The following MARCHF8 variants were observed in gnomAD, a reference collection of about 807,000 sequenced individuals.
MARCHF8 encodes the protein membrane associated ring-CH-type finger 8.
In MARCHF8, 40 loss-of-function variants were observed where a neutral mutation model predicts 51.6. The ratio of observed to expected loss-of-function variants is 0.77; its 90% CI spans 0.60 to 1.01. MARCHF8 has a LOEUF of 1.01. Ranked by LOEUF, MARCHF8 falls within the 50% of genes least tolerant of loss-of-function variation. The pLI is 0.00. For missense variants in MARCHF8, 685 were observed against 708.6 expected, an observed-to-expected ratio of 0.97 and a Z score of 0.38; for synonymous variants, 263 against 280.3, an observed-to-expected ratio of 0.94 and a Z score of 0.62.
intron 2 of MARCHF8, among the ~76,000 whole-genome samples, chr10:45,502,602 C>T (rs1245505796): frequency 6.6e-6 from 1 of 152,174 alleles, no homozygotes; most frequent in Non-Finnish European, 1.5e-5. Flanking sequence ...CTGTGTCTTG[C>T]TCATCAGGAA....
chr10:45,461,248 G>C lies in MARCHF8; in HGVS notation c.1252C>G (p.Leu418Val). Reference sequence around the variant, plus strand: ...CCACGTACTTTTCTCAGTGGCTTCAGCTTGGTCTCCATGATGAACTCATAC... The same window carrying C: ...CCACGTACTTTTCTCAGTGGCTTCACCTTGGTCTCCATGATGAACTCATAC... ...CKYEFIMETKLKPLRKWEKLQ... is the reference protein window; with the variant it reads ...CKYEFIMETKVKPLRKWEKLQ... Residue 418 changes from leucine to valine, a missense_variant, in exon 6 of 8, where the codon CTG (leucine) becomes GTG (valine). Transcript: ENST00000453424. 1.3e-6 allele frequency: 2 copies of C among 1,540,356 alleles called. No individual in the cohort carries two copies. Among genetic ancestry groups the C allele is most frequent in the South Asian group, 1.2e-5 (1 of 82,532 alleles).
At chr10:45,486,805 T>C (rs1343048202) in intron 3 of MARCHF8, among the ~76,000 whole-genome samples, 4 of 40,650 alleles carry the variant, frequency 9.8e-5, no homozygotes, top group African/African-American at 1.2e-4. Context: ...ATTACCCTAC[T>C]TTTTTTTTTT....
intron 3 of MARCHF8, among the ~76,000 whole-genome samples, chr10:45,485,671 A>G (rs1193837584): frequency 6.6e-6 from 1 of 152,228 alleles, no homozygotes; most frequent in Non-Finnish European, 1.5e-5. Context: ...GAATACTAGG[A>G]GGCATGATTA....
chr10:45,582,157 G>A (rs2044563262), intron 1 of MARCHF8, among the ~76,000 whole-genome samples: 1 of 152,096 alleles, frequency 6.6e-6, no homozygotes, highest in South Asian at 2.1e-4. Flanking sequence ...ACTTCAACCT[G>A]TCTCTAAAGC....
intron 1 of MARCHF8, among the ~76,000 whole-genome samples, chr10:45,543,595 G>A (rs988253711): frequency 2.4e-4 from 36 of 151,118 alleles, no homozygotes; most frequent in African/African-American, 7.8e-4. Flanking sequence ...TCAGGAGATC[G>A]AGACCATCCT....
At chr10:45,502,931 A>AAAT (rs145587600) in intron 2 of MARCHF8, among the ~76,000 whole-genome samples, 17 of 151,936 alleles carry the variant, frequency 1.1e-4, no homozygotes, top group Admixed American at 2.0e-4. Context: ...GGCTGAAAGC[A>AAAT]AATAATAATA....
intron 5 of MARCHF8, among the ~76,000 whole-genome samples, chr10:45,462,561 T>G (rs1211272005): frequency 1.3e-5 from 2 of 152,186 alleles, no homozygotes; most frequent in Non-Finnish European, 2.9e-5. Flanking sequence ...AGTCTACTTA[T>G]TTTTAGTTTA....
chr10:45,588,156 G>C (rs1249226338), intron 1 of MARCHF8, among the ~76,000 whole-genome samples: 2 of 146,812 alleles, frequency 1.4e-5, no homozygotes, highest in Non-Finnish European at 3.0e-5. Flanking sequence ...TTTTCATTTT[G>C]TCAAAAGTAA....
chr10:45,563,375 G>A (rs1438439836), intron 1 of MARCHF8, among the ~76,000 whole-genome samples: 5 of 152,122 alleles, frequency 3.3e-5, no homozygotes, highest in Non-Finnish European at 7.4e-5. Flanking sequence ...CATGATATGA[G>A]TATATGCAGG....
intron 1 of MARCHF8, among the ~76,000 whole-genome samples, chr10:45,560,154 A>C (rs2133363138): frequency 6.6e-6 from 1 of 152,266 alleles, no homozygotes; most frequent in East Asian, 1.9e-4. Context: ...GAGGGAGCTG[A>C]GAACCAGAAA....
In MARCHF8 at chr10:45,463,669, C is replaced by A; in HGVS notation, c.570G>T (p.Thr190=). 1 of 1,550,770 alleles carries A rather than the reference C, an allele frequency of 6.4e-7. No homozygotes were observed. Among genetic ancestry groups the A allele is most frequent in the Non-Finnish European group, 8.7e-7 (1 of 1,147,032 alleles). Residue 190 remains threonine, a synonymous_variant, in exon 5 of 8, where the codon ACG becomes ACT. Transcript: ENST00000453424. ...SEGKLILPQD[T]CLRTNRFHHK... Reference sequence around the variant, plus strand: ...GATGAAACCTGTTAGTTCTGAGACACGTATCTTGAGGGAGTATTAATTTCC... The same window carrying A: ...GATGAAACCTGTTAGTTCTGAGACAAGTATCTTGAGGGAGTATTAATTTCC...
intron 1 of MARCHF8, among the ~76,000 whole-genome samples, chr10:45,555,758 A>G (rs1382403964): frequency 6.7e-6 from 1 of 149,084 alleles, no homozygotes; most frequent in African/African-American, 2.5e-5. Context: ...AAAAAAAAAA[A>G]GAAAAAGAAA....
upstream of MARCHF8, among the ~76,000 whole-genome samples, chr10:45,538,929 G>C (rs2044013157): frequency 6.6e-6 from 1 of 152,084 alleles, no homozygotes; most frequent in African/African-American, 2.4e-5. Context: ...AGTTAACAAG[G>C]ATATCCAGGA....
intron 1 of MARCHF8, among the ~76,000 whole-genome samples, chr10:45,578,363 A>T (rs188632496): frequency 1.3e-4 from 20 of 152,340 alleles, no homozygotes; most frequent in African/African-American, 4.6e-4. Context: ...CAAATTTGGG[A>T]TGATTTTAGT....
chr10:45,501,674 T>A (rs1038790894), intron 2 of MARCHF8, among the ~76,000 whole-genome samples: 1 of 152,046 alleles, frequency 6.6e-6, no homozygotes, highest in Admixed American at 6.5e-5. Context: ...GTTTGCTCCA[T>A]GAAAGACCCC....
At chr10:45,571,401 C>G (rs1207014408) in intron 1 of MARCHF8, among the ~76,000 whole-genome samples, 5 of 152,184 alleles carry the variant, frequency 3.3e-5, no homozygotes, top group African/African-American at 1.2e-4. Flanking sequence ...AAGAACAACC[C>G]CCTTTAACTG....
intron 1 of MARCHF8, among the ~76,000 whole-genome samples, chr10:45,577,399 T>C (rs1461500724): frequency 6.6e-6 from 1 of 152,108 alleles, no homozygotes; most frequent in Non-Finnish European, 1.5e-5. Flanking sequence ...AAAGGATAAA[T>C]GCATGAGGGG....
chr10:45,511,488 G>T (rs1412607614), intron 2 of MARCHF8, among the ~76,000 whole-genome samples: 1 of 152,040 alleles, frequency 6.6e-6, no homozygotes, highest in Non-Finnish European at 1.5e-5. Context: ...CTGCCATCTC[G>T]GCTCACTGCA....
chr10:45,542,345 C>CAAAAAAAAAAA (rs60776762), intron 1 of MARCHF8, among the ~76,000 whole-genome samples: 1 of 48,982 alleles, frequency 2.0e-5, no homozygotes, highest in African/African-American at 7.2e-5. Flanking sequence ...GACTTCGTCT[C>CAAAAAAAAAAA]AAAAAAAAAA....
Sources: allele counts gnomAD v4.1 joint callset (sites outside exome capture counted in the v4.1 genomes callset), GRCh38; gene constraint gnomAD v4.1.1; transcripts MANE v1.5; gene names NCBI Gene and HGNC (gene_info 2026-07-23, HGNC 2026-07-21).